Variants in DPP8 observed in about 807,000 individuals in gnomAD.
The protein encoded by DPP8 is dipeptidyl peptidase 8.
DPP8 carries 31 observed loss-of-function variants against 107.5 expected under a neutral mutation model. The observed-to-expected ratio is 0.29, with a 90% confidence interval of 0.22 to 0.39. The LOEUF is 0.39. DPP8 is among the 10% of genes least tolerant of loss of function. The probability of loss-of-function intolerance (pLI) is 1.00; values close to 1 mark genes in which losing one functional copy is unlikely to be tolerated. For synonymous variants in DPP8, 381 were observed against 356.6 expected, an observed-to-expected ratio of 1.07 and a Z score of -0.77; for missense variants, 842 against 1,076.1, an observed-to-expected ratio of 0.78 and a Z score of 3.04.
At chr15:65,478,617 C>A (rs986972885) in intron 11 of DPP8, among the ~76,000 whole-genome samples, 1 of 151,988 alleles carries the variant, frequency 6.6e-6, no homozygotes, top group East Asian at 1.9e-4. Context: ...GCAGTCAAGG[C>A]AAAAGTAAAA....
rs918527857 is a variant in DPP8 at position 65,446,798 on chromosome 15, T to G, written c.*86A>C. ...TTACATGGCAGGTATCAAAATGTGA[T>G]GATCAATTCTGTGTTTTCTGTTGAT... is the stretch of plus-strand genomic sequence containing the variant. On this transcript the variant is annotated 3_prime_UTR_variant, in exon 20 of 20. Transcript: ENST00000300141. 1.0e-5 allele frequency: 14 copies of G among 1,339,742 alleles called. 1 individual carries two copies. In the South Asian group the frequency reaches 2.1e-4, roughly 21 times the overall value. The allele number at this position is 1,339,742 out of a possible 1,614,324, so 83.0% of individuals were successfully genotyped here. A position where few individuals can be genotyped will look rare whatever the true frequency, so the allele number is the denominator to read the frequency against.
chr15:65,452,544 T>A (rs2064064372), intron 17 of DPP8, among the ~76,000 whole-genome samples: 1 of 152,168 alleles, frequency 6.6e-6, no homozygotes, highest in Admixed American at 6.6e-5. Flanking sequence ...AGTTTTATAT[T>A]TAAATACTCT....
At chr15:65,491,893 C>T (rs937333978) in intron 5 of DPP8, among the ~76,000 whole-genome samples, 21 of 152,100 alleles carry the variant, frequency 1.4e-4, no homozygotes, top group African/African-American at 5.1e-4. Context: ...CCACGATGCC[C>T]GGCTAATTTT....
intron 4 of DPP8, among the ~76,000 whole-genome samples, chr15:65,500,393 G>C (rs1012568872): frequency 1.3e-5 from 2 of 151,852 alleles, no homozygotes; most frequent in Non-Finnish European, 2.9e-5. Flanking sequence ...ACTCCAGCCT[G>C]GGCAACAACA....
chr15:65,492,831 C>A (rs936113741), intron 5 of DPP8, among the ~76,000 whole-genome samples: 6 of 152,072 alleles, frequency 3.9e-5, no homozygotes, highest in Non-Finnish European at 8.8e-5. Context: ...CCCCTGAGCT[C>A]AAGTAATCCT....
intron 5 of DPP8, among the ~76,000 whole-genome samples, chr15:65,493,952 CAG>C (rs1161782986): frequency 1.9e-4 from 29 of 152,024 alleles, no homozygotes; most frequent in African/African-American, 6.8e-4. Context: ...ACTTACACAA[CAG>C]TTACTATGTT....
chr15:65,463,717 A>G, intron 15 of DPP8, 44 bp downstream of exon 15: 1 of 1,504,460 alleles, frequency 6.6e-7, no homozygotes, highest in Non-Finnish European at 9.1e-7. Context: ...TCTAAAATAC[A>G]TATGCATATG....
chr15:65,495,762 A>T (rs1486420223), intron 5 of DPP8, among the ~76,000 whole-genome samples: 1 of 151,422 alleles, frequency 6.6e-6, no homozygotes. Context: ...TTAGCCGGTA[A>T]TCCCAGCTAC....
In DPP8 at chr15:65,478,951, T is replaced by C. The variant is rs781561354; in HGVS notation, c.1385A>G (p.His462Arg). 6.3e-7 allele frequency: 1 copy of C among 1,597,652 alleles called. No homozygotes were observed. The highest frequency in any genetic ancestry group is 8.5e-7 in the Non-Finnish European group (1 of 1,173,618). The change falls in exon 11 of 20, where the codon CAT (histidine) becomes CGT (arginine). Residue 462 changes from histidine (H) to arginine (R), a missense_variant. Coordinates refer to ENST00000300141, the MANE Select transcript of DPP8 (RefSeq NM_130434.5). ...FASECKTGFR[H>R]LYKITSILKE... The stretch of plus-strand genomic sequence containing the variant: ...TAAAATAGATGTAATTTTGTATAAA[T>C]GACGGAAACCTGTTTTGCATTCAGA...
chr15:65,468,668 C>T lies in DPP8; in HGVS notation c.1537-1445G>A, dbSNP rs201195810. ...ACACAGTTGGGATTAAGTAGGCCCA[C>T]ATGACACATACAGAAAGCATACAAA... On this transcript the variant is annotated intron_variant, in intron 12 of 19. Coordinates refer to ENST00000300141, the MANE Select transcript of DPP8 (RefSeq NM_130434.5). 2.2e-4 allele frequency among the ~76,000 whole-genome samples: 33 copies of T among 152,222 alleles called. No individual in the cohort carries two copies. The East Asian group carries it at 6.2e-3, about 28-fold the overall frequency.
chr15:65,477,857 C>G (rs906551026), intron 11 of DPP8, among the ~76,000 whole-genome samples: 1 of 152,062 alleles, frequency 6.6e-6, no homozygotes, highest in African/African-American at 2.4e-5. Flanking sequence ...TAAAAAGGAC[C>G]ATGCCAAATC....
intron 19 of DPP8, among the ~76,000 whole-genome samples, chr15:65,449,101 T>C (rs2063774660): frequency 6.9e-6 from 1 of 144,342 alleles, no homozygotes; most frequent in African/African-American, 2.5e-5. Flanking sequence ...TCCCAGCTAC[T>C]CGGGAGGCTG....
chr15:65,508,918 C>A (rs1006947907), intron 2 of DPP8, among the ~76,000 whole-genome samples: 1 of 151,968 alleles, frequency 6.6e-6, no homozygotes, highest in African/African-American at 2.4e-5. Flanking sequence ...ATAAATCACA[C>A]AAAAATAACA....
At chr15:65,512,786 C>T in intron 1 of DPP8, 1 of 559,006 alleles carries the variant, frequency 1.8e-6, no homozygotes, top group South Asian at 2.3e-5. Flanking sequence ...GTCTACTTCA[C>T]AGTGCCTATA....
In DPP8 at chr15:65,512,298, G is replaced by C; in HGVS notation, c.256C>G (p.Leu86Val). Reference protein sequence around the residue: ...DGPHSDRIYYLAMSGENRENT... With the variant: ...DGPHSDRIYYVAMSGENRENT... ...GAAACTACAACTTCGTACTCACCAA[G>C]GTAATAGATTCTGTCTGAATGAGGT... Residue 86 changes from leucine (L) to valine (V), a missense_variant, in exon 2 of 20, where the codon CTT becomes GTT. Coordinates refer to ENST00000300141, the MANE Select transcript of DPP8 (RefSeq NM_130434.5). 6.2e-7 allele frequency: 1 copy of C among 1,609,378 alleles called. No individual in the cohort carries two copies. Among genetic ancestry groups the C allele is most frequent in the Non-Finnish European group, 8.5e-7 (1 of 1,177,950 alleles).
intron 19 of DPP8, among the ~76,000 whole-genome samples, chr15:65,448,865 A>T (rs1356248231): frequency 2.3e-4 from 12 of 53,308 alleles, no homozygotes; most frequent in African/African-American, 5.0e-4. Context: ...ATATATCTAA[A>T]ATATATATAT....
At chr15:65,515,764 G>T in intron 1 of DPP8, 1 of 1,439,214 alleles carries the variant, frequency 6.9e-7, no homozygotes, top group Non-Finnish European at 9.7e-7. Flanking sequence ...CTTCTCACAG[G>T]AATCTTTCCT....
chr15:65,484,596 A>G (rs1016896862), intron 8 of DPP8, among the ~76,000 whole-genome samples: 6 of 151,308 alleles, frequency 4.0e-5, no homozygotes, highest in African/African-American at 2.4e-5. Context: ...CTCTCTCTGC[A>G]GGAGAGAAAG....
chr15:65,472,006 G>C (rs1037017483), intron 12 of DPP8, among the ~76,000 whole-genome samples: 3 of 152,152 alleles, frequency 2.0e-5, no homozygotes, highest in African/African-American at 7.2e-5. Context: ...ATACAGGATG[G>C]AGTTCCTAGA....
Sources: allele counts gnomAD v4.1 joint callset (sites outside exome capture counted in the v4.1 genomes callset), GRCh38; gene constraint gnomAD v4.1.1; transcripts MANE v1.5; gene names NCBI Gene and HGNC (gene_info 2026-07-23, HGNC 2026-07-21).